The following DST variants were observed in gnomAD, a reference collection of about 807,000 sequenced individuals.
DST encodes dystonin.
DST carries 253 observed loss-of-function variants against 875.2 expected under a neutral mutation model. The observed-to-expected ratio is 0.29, with a 90% CI of 0.26 to 0.32. The LOEUF (loss-of-function observed/expected upper bound fraction) is 0.32, where lower values mean the gene tolerates loss of function less well. Ranked by LOEUF, DST falls within the 10% of genes least tolerant of loss-of-function variation. DST has a pLI of 1.00. For synonymous variants in DST, 3,124 were observed against 3,197.1 expected, an observed-to-expected ratio of 0.98 and a Z score of 0.77; for missense variants, 8,287 against 9,111.6, an observed-to-expected ratio of 0.91 and a Z score of 3.68.
chr6:56,574,102 T>C (rs2097824519), intron 50 of DST, among the ~76,000 whole-genome samples: 1 of 152,176 alleles, frequency 6.6e-6, no homozygotes, highest in Non-Finnish European at 1.5e-5. Flanking sequence ...TTGAAATCTT[T>C]TTTTAAAAGT....
intron 4 of DST, among the ~76,000 whole-genome samples, chr6:56,801,535 A>G (rs1298595924): frequency 2.6e-5 from 4 of 152,228 alleles, no homozygotes; most frequent in African/African-American, 4.8e-5. Context: ...ATGTCCAGAG[A>G]GAATTAAAAT....
In DST at chr6:56,896,130, G is replaced by T. The variant is rs558856625; in HGVS notation, c.417+4291C>A. Among the ~76,000 whole-genome samples, 629 of 68,544 alleles carry T rather than the reference G, an allele frequency of 9.2e-3. 83 individuals are homozygous for T. The highest frequency in any genetic ancestry group is 0.01 in the Non-Finnish European group (389 of 37,322). The allele number at this position is 68,544 out of a possible 152,430, so 45.0% of individuals were successfully genotyped here. On this transcript the variant is annotated intron_variant, in intron 3 of 103. Transcript: ENST00000680361. ...GGAGAGGGAGAGGGAGACGGGAGAGGGAGAGGGAGACGGGAGAGCCTACTT... is the reference window on the plus strand; with the variant it reads ...GGAGAGGGAGAGGGAGACGGGAGAGTGAGAGGGAGACGGGAGAGCCTACTT...
At chr6:56,539,097 T>G (rs965295243) in intron 61 of DST, among the ~76,000 whole-genome samples, 1 of 152,200 alleles carries the variant, frequency 6.6e-6, no homozygotes, top group African/African-American at 2.4e-5. Context: ...GGAAACGTTT[T>G]ATTTTCCCTC....
intron 3 of DST, among the ~76,000 whole-genome samples, chr6:56,892,880 G>A (rs1788258046): frequency 1.3e-5 from 2 of 152,120 alleles, no homozygotes; most frequent in South Asian, 4.2e-4. Context: ...AAGAATTCAT[G>A]GTCTAGGGGA....
chr6:56,658,888 G>A (rs923229490), intron 10 of DST, among the ~76,000 whole-genome samples: 11 of 152,116 alleles, frequency 7.2e-5, no homozygotes, highest in African/African-American at 2.2e-4. Flanking sequence ...GTGGTTGAAG[G>A]GCACAGGACT....
chr6:56,668,409 A>G (rs1047246555), intron 10 of DST, among the ~76,000 whole-genome samples: 2 of 152,108 alleles, frequency 1.3e-5, no homozygotes, highest in Non-Finnish European at 2.9e-5. Flanking sequence ...CCACAAAGGA[A>G]GGATACAATT....
intron 2 of DST, among the ~76,000 whole-genome samples, chr6:56,912,799 T>C (rs562349045): frequency 4.3e-4 from 66 of 152,278 alleles, no homozygotes; most frequent in Middle Eastern, 3.4e-3. Flanking sequence ...TTTCAGTACA[T>C]CAGACCTGTA....
Position 56,623,475 on chromosome 6 carries a change from G to A in DST, c.4929+1055C>T, listed in dbSNP as rs80295777. Among the ~76,000 whole-genome samples the A allele has an allele frequency of 6.9e-3, 1,052 of 152,224 alleles. 13 individuals are homozygous for A. Among genetic ancestry groups the A allele is most frequent in the African/African-American group, 0.025 (1,018 of 41,540 alleles). The stretch of plus-strand genomic sequence containing the variant: ...GTTCTCCTAAGCACAAAGGAAGAGG[G>A]TTATAAAGTCTTGCAATTAGCTATG... On this transcript the variant is annotated intron_variant, in intron 36 of 103. Coordinates refer to ENST00000680361, the MANE Select transcript of DST (RefSeq NM_001374736.1).
At chr6:56,937,299 G>A (rs1289273339) in intron 2 of DST, among the ~76,000 whole-genome samples, 2 of 151,922 alleles carry the variant, frequency 1.3e-5, no homozygotes, top group Non-Finnish European at 2.9e-5. Flanking sequence ...TATCCAGAAT[G>A]TATAAAGAAC....
intron 2 of DST, among the ~76,000 whole-genome samples, chr6:56,950,945 T>C (rs1821972525): frequency 6.6e-6 from 1 of 152,208 alleles, no homozygotes; most frequent in Admixed American, 6.5e-5. Context: ...ATGTGTTTAT[T>C]ATATACTTAG....
At chr6:56,517,032 C>T (rs2096607053) in intron 71 of DST, among the ~76,000 whole-genome samples, 166 bp downstream of exon 71, 1 of 152,086 alleles carries the variant, frequency 6.6e-6, no homozygotes, top group African/African-American at 2.4e-5. Context: ...AGAAATATTC[C>T]TTTCACTGTT....
chr6:56,920,727 C>CTTTT (rs1201574608), intron 2 of DST, among the ~76,000 whole-genome samples: 1 of 124,180 alleles, frequency 8.1e-6, no homozygotes, highest in Non-Finnish European at 1.7e-5. Context: ...TTCTTTCTTC[C>CTTTT]TTTTTTTTTT....
intron 36 of DST, chr6:56,618,730 A>C: frequency 1.9e-6 from 3 of 1,614,038 alleles, no homozygotes; most frequent in Non-Finnish European, 2.5e-6. Context: ...TATCATTTTC[A>C]GTGATGACTT....
At chr6:56,775,559 A>G (rs777521117) in intron 4 of DST, among the ~76,000 whole-genome samples, 4 of 152,224 alleles carry the variant, frequency 2.6e-5, no homozygotes, top group Non-Finnish European at 4.4e-5. Context: ...TCAGCTTCCA[A>G]TAAAAGGAAC....
Position 56,485,411 on chromosome 6 carries a change from A to G in DST, c.21108T>C (p.Ala7036=), listed in dbSNP as rs2095528037. The stretch of plus-strand genomic sequence containing the variant: ...CAACTCTATATAACCAATCAATGAG[A>G]GCCTGTAGGGCATCTGTGAATTGTC... The part of the protein sequence containing the change: ...FSGQFTDALQ[A]LIDWLYRVEP... The change falls in exon 88 of 104, where the codon GCT becomes GCC. Residue 7036 remains alanine, a synonymous_variant. Coordinates refer to ENST00000680361, the MANE Select transcript of DST (RefSeq NM_001374736.1). 3 of 1,613,978 alleles carry G rather than the reference A, an allele frequency of 1.9e-6. No individual in the cohort carries two copies. The South Asian group carries it at 3.3e-5, about 18-fold the overall frequency.
intron 9 of DST, among the ~76,000 whole-genome samples, chr6:56,697,993 C>T (rs1443206878): frequency 6.6e-6 from 1 of 152,140 alleles, no homozygotes; most frequent in Non-Finnish European, 1.5e-5. Context: ...TCTTTGATTC[C>T]AGTAATGCCC....
intron 3 of DST, among the ~76,000 whole-genome samples, chr6:56,860,732 A>G (rs1473743711): frequency 6.6e-6 from 1 of 152,220 alleles, no homozygotes; most frequent in Non-Finnish European, 1.5e-5. Context: ...CTAAGCCAAT[A>G]TAATTGTCAC....
At chr6:56,475,614 C>T (rs901381900) in intron 92 of DST, among the ~76,000 whole-genome samples, 9 of 152,290 alleles carry the variant, frequency 5.9e-5, no homozygotes, top group South Asian at 2.1e-4. Flanking sequence ...AAAGACAACA[C>T]GTTCCCTTTT....
At chr6:56,590,812 C>T (rs2098259120) in intron 49 of DST, among the ~76,000 whole-genome samples, 1 of 152,210 alleles carries the variant, frequency 6.6e-6, no homozygotes, top group African/African-American at 2.4e-5. Context: ...CTTCCCTGCT[C>T]TCATCCTATG....
Sources: gnomAD v4.1 joint callset for allele counts (sites outside exome capture counted in the v4.1 genomes callset) on GRCh38, gnomAD v4.1.1 for gene constraint, MANE v1.5 for transcripts, NCBI Gene and HGNC (gene_info 2026-07-23, HGNC 2026-07-21) for gene names.